Variants in HSPA12B observed in about 807,000 individuals in gnomAD.
HSPA12B encodes the protein heat shock 70 kDa protein 12B.
In HSPA12B, 54 loss-of-function variants were observed where a neutral mutation model predicts 69.3. The observed-to-expected ratio is 0.78, with a 90% CI of 0.63 to 0.98. The LOEUF (loss-of-function observed/expected upper bound fraction) is 0.98, where lower values mean the gene tolerates loss of function less well. HSPA12B is among the 50% of genes least tolerant of loss of function. The pLI, the probability that HSPA12B is intolerant of heterozygous loss-of-function variation, is 0.00. For missense variants in HSPA12B, 929 were observed against 999.8 expected, an observed-to-expected ratio of 0.93 and a Z score of 0.96; for synonymous variants, 441 against 436.5, an observed-to-expected ratio of 1.01 and a Z score of -0.13.
At chr20:3,751,474 GCC>G (rs778426422) in intron 12 of HSPA12B, 35 bp from the exon 13 acceptor site, 33 of 1,379,018 alleles carry the variant, frequency 2.4e-5, no homozygotes, top group South Asian at 2.1e-4. Flanking sequence ...CTTCTCCTCT[GCC>G]CCCTTCACCC....
chr20:3,750,337 C>A, intron 11 of HSPA12B, 110 bp downstream of exon 11: 1 of 1,177,208 alleles, frequency 8.5e-7, no homozygotes, highest in Non-Finnish European at 1.2e-6. Flanking sequence ...ATTCATCCCA[C>A]ATATACACTA....
chr20:3,742,949 C>A (rs1449589684), intron 4 of HSPA12B, among the ~76,000 whole-genome samples: 1 of 151,960 alleles, frequency 6.6e-6, no homozygotes, highest in African/African-American at 2.4e-5. Context: ...TCTCAGCTCA[C>A]TGCAAGCTCT....
intron 3 of HSPA12B, 29 bp from the exon 4 acceptor site, chr20:3,742,255 C>T: frequency 6.2e-7 from 1 of 1,609,128 alleles, no homozygotes; most frequent in Non-Finnish European, 8.5e-7. Flanking sequence ...CTGCTGGCTG[C>T]TTGCTAATTC....
chr20:3,748,418 A>G (rs762701189), intron 8 of HSPA12B, 27 bp downstream of exon 8: 2 of 1,536,206 alleles, frequency 1.3e-6, no homozygotes, highest in South Asian at 2.4e-5. Context: ...GACACCACCC[A>G]CCCCTGGAGG....
intron 11 of HSPA12B, 111 bp from the exon 12 acceptor site, chr20:3,750,693 C>A: frequency 6.3e-7 from 1 of 1,587,254 alleles, no homozygotes; most frequent in Non-Finnish European, 8.6e-7. Context: ...CAGTCGGTGC[C>A]CAGGCACTTC....
At position 3,749,976 on chromosome 20, in the gene HSPA12B, T is replaced by A. The variant is rs2088382282; in HGVS notation, c.1050T>A (p.Pro350=). The A allele has an allele frequency of 6.4e-7, 1 of 1,566,436 alleles. No homozygotes were observed. Among genetic ancestry groups the A allele is most frequent in the Non-Finnish European group, 8.7e-7 (1 of 1,154,992 alleles). The change falls in exon 11 of 13, where the codon CCT becomes CCA. Residue 350 remains proline (P), a synonymous_variant. Transcript: ENST00000254963. The surrounding 1 kb of genome is among the most constrained non-coding windows in gnomAD (Gnocchi z 5.5). ...LKELYKASGG[P]YGAVGVDLAF... is the part of the protein sequence containing the mutation. ...CCCCCTGCTCCACCCCAGGGGGCCC[T>A]TATGGCGCGGTGGGCGTGGACCTGG...
rs755920708 is a variant in HSPA12B at position 3,745,472 on chromosome 20, G to A, written c.454-21G>A. 4.7e-5 allele frequency: 75 copies of A among 1,590,408 alleles called. No individual in the cohort carries two copies. The highest frequency in any genetic ancestry group is 6.3e-5 in the Non-Finnish European group (73 of 1,158,538). ...GTGCCAAGCTGAGGCCTCCTGCAGA[G>A]CCGCCCTGTGTCCCTGCCAGGATCT... is the stretch of plus-strand genomic sequence containing the variant. On this transcript the variant is annotated intron_variant, in intron 5 of 12. Coordinates refer to ENST00000254963, the MANE Select transcript of HSPA12B (RefSeq NM_052970.5). The surrounding 1 kb of genome is among the most constrained non-coding windows in gnomAD (Gnocchi z 5.6).
Position 3,745,432 on chromosome 20 carries a change from G to A in HSPA12B, c.454-61G>A. 2 of 1,190,500 alleles carry A rather than the reference G, an allele frequency of 1.7e-6. No individual in the cohort carries two copies. Among genetic ancestry groups the A allele is most frequent in the Non-Finnish European group, 2.5e-6 (2 of 794,436 alleles). 73.7% of individuals were successfully genotyped at this position (1,190,500 alleles called of 1,614,324 possible). ...GAAACGGGGTGATTTTAAGAGCGAG[G>A]TCGTCAGGAAATGAGTGCCAAGCTG... is the stretch of plus-strand genomic sequence containing the variant. On this transcript the variant is annotated intron_variant, in intron 5 of 12. Coordinates refer to ENST00000254963, the MANE Select transcript of HSPA12B (RefSeq NM_052970.5). This position sits in a 1 kb window ranked among gnomAD's most constrained non-coding sequence, Gnocchi z 5.6.
chr20:3,734,191 C>T (rs767655828), intron 1 of HSPA12B, among the ~76,000 whole-genome samples: 5 of 152,154 alleles, frequency 3.3e-5, no homozygotes, highest in Non-Finnish European at 5.9e-5. Flanking sequence ...GGAGTGGGGG[C>T]AGGGTTCGTC....
intron 7 of HSPA12B, among the ~76,000 whole-genome samples, chr20:3,746,403 C>T (rs563150746): frequency 2.0e-4 from 27 of 138,352 alleles, no homozygotes; most frequent in African/African-American, 4.9e-4. Flanking sequence ...CCCAGGTTCA[C>T]GCCATTCTCC....
intron 7 of HSPA12B, 43 bp from the exon 8 acceptor site, chr20:3,748,174 C>T (rs1476989981): frequency 6.9e-7 from 1 of 1,457,434 alleles, no homozygotes; most frequent in Non-Finnish European, 9.1e-7. Flanking sequence ...TTAGGTGTGA[C>T]AGCCCACAGT....
Position 3,752,040 on chromosome 20 carries a change from C to T in HSPA12B, c.1935C>T (p.Gly645=), listed in dbSNP as rs775456239. The T allele has an allele frequency of 3.2e-6, 5 of 1,550,938 alleles. No homozygotes were observed. Among genetic ancestry groups the T allele is most frequent in the African/African-American group, 2.8e-5 (2 of 72,264 alleles). The change falls in exon 13 of 13, where the codon GGC becomes GGT. Residue 645 remains glycine (G), a synonymous_variant. Coordinates refer to ENST00000254963, the MANE Select transcript of HSPA12B (RefSeq NM_052970.5). Reference sequence around the variant, plus strand: ...CCGACTGCGGCCAGGACACCGCCGGCGCGCCTCCCGGCCGCCGCGAGATCC... The same window carrying T: ...CCGACTGCGGCCAGGACACCGCCGGTGCGCCTCCCGGCCGCCGCGAGATCC... The part of the protein sequence containing the change: ...EPADCGQDTA[G]APPGRREIRA...
chr20:3,739,586 G>C (rs1238365603), intron 2 of HSPA12B, among the ~76,000 whole-genome samples: 4 of 152,194 alleles, frequency 2.6e-5, no homozygotes, highest in African/African-American at 7.2e-5. Context: ...GGCAGGGCTG[G>C]AGCCTGCCCT....
In HSPA12B at chr20:3,749,324, G is replaced by A. The variant is rs1264220374; in HGVS notation, c.937+6G>A. On this transcript the variant is annotated splice_donor_region_variant and intron_variant, in intron 9 of 12. Transcript: ENST00000254963. The surrounding 1 kb of genome is among the most constrained non-coding windows in gnomAD (Gnocchi z 5.5). Reference sequence around the variant, plus strand: ...GTGGGCAGAGATGCAAGCAGGTAGGGGGAAAGGGGGACGGAGTGTTATCCT... The same window carrying A: ...GTGGGCAGAGATGCAAGCAGGTAGGAGGAAAGGGGGACGGAGTGTTATCCT... 6.2e-7 allele frequency: 1 copy of A among 1,611,828 alleles called. No individual in the cohort carries two copies. Among genetic ancestry groups the A allele is most frequent in the Non-Finnish European group, 8.5e-7 (1 of 1,178,574 alleles).
intron 12 of HSPA12B, 187 bp from the exon 13 acceptor site, chr20:3,751,324 G>A: frequency 1.0e-6 from 1 of 985,466 alleles, no homozygotes. Flanking sequence ...TTGGGGAGGC[G>A]AAGCCCTCGA....
chr20:3,735,891 A>G (rs889280285), intron 1 of HSPA12B, among the ~76,000 whole-genome samples: 7 of 152,190 alleles, frequency 4.6e-5, no homozygotes, highest in Admixed American at 2.0e-4. Flanking sequence ...CCTGGCATGA[A>G]GAATCTCGAT....
intron 7 of HSPA12B, among the ~76,000 whole-genome samples, chr20:3,746,334 G>T (rs1363863097): frequency 9.5e-6 from 1 of 105,360 alleles, no homozygotes; most frequent in Non-Finnish European, 1.7e-5. Context: ...AGACAGTCTC[G>T]CTCTGTCGCC....
chr20:3,733,730 TCTGTGGCTTGGAAGAAACGC>T (rs1477507444), intron 1 of HSPA12B, among the ~76,000 whole-genome samples: 1 of 152,188 alleles, frequency 6.6e-6, no homozygotes. Context: ...GTTGGCCCAG[TCTGTGGCTTGGAAGAAACGC>T]CTGTGGCCTC....
intron 7 of HSPA12B, among the ~76,000 whole-genome samples, chr20:3,746,796 T>G (rs974200599): frequency 6.6e-6 from 1 of 152,114 alleles, no homozygotes. Flanking sequence ...GCCGGCTTCT[T>G]GCACATCCGT....
Sources: gnomAD v4.1 joint callset for allele counts (sites outside exome capture counted in the v4.1 genomes callset) on GRCh38, gnomAD v4.1.1 for gene constraint, Gnocchi (gnomAD v3.1) non-coding constraint, MANE v1.5 for transcripts, NCBI Gene and HGNC (gene_info 2026-07-23, HGNC 2026-07-21) for gene names.